NEXMIF: variants seen among roughly 807,000 people sequenced by gnomAD.
NEXMIF encodes XLMR protein related to neurite extension.
NEXMIF carries 8 observed loss-of-function variants against 62.1 expected under a neutral mutation model. The ratio of observed to expected loss-of-function variants is 0.13; its 90% confidence interval spans 0.08 to 0.23. NEXMIF has a LOEUF of 0.23. Ranked by LOEUF, NEXMIF falls within the 10% of genes least tolerant of loss-of-function variation. The pLI, the probability that NEXMIF is intolerant of heterozygous loss-of-function variation, is 1.00. For missense variants in NEXMIF, 976 were observed against 1,113.3 expected, an observed-to-expected ratio of 0.88 and a Z score of 1.75; for synonymous variants, 404 against 416.6, an observed-to-expected ratio of 0.97 and a Z score of 0.37.
intron 1 of NEXMIF, among the ~76,000 whole-genome samples, chrX:74,823,540 A>G (rs969823610): frequency 5.4e-5 from 6 of 111,669 alleles, no homozygotes; most frequent in Non-Finnish European, 1.1e-4. Context: ...AATTGATGAA[A>G]TTCCAAATTT....
chrX:74,882,592 T>A (rs1305017175), intron 1 of NEXMIF, among the ~76,000 whole-genome samples: 1 of 108,740 alleles, frequency 9.2e-6, no homozygotes, highest in African/African-American at 3.4e-5. Context: ...GGCAGTGAGG[T>A]TGGGGGAGGG....
chrX:74,877,721 C>T (rs1003306111), intron 1 of NEXMIF, among the ~76,000 whole-genome samples: 3 of 111,581 alleles, frequency 2.7e-5, no homozygotes, highest in Non-Finnish European at 5.6e-5. Context: ...AACTTCCCTT[C>T]TCGCTTCATT....
At chrX:74,834,803 CT>C (rs2080450858) in intron 1 of NEXMIF, among the ~76,000 whole-genome samples, 1 of 111,257 alleles carries the variant, frequency 9.0e-6, no homozygotes, top group African/African-American at 3.3e-5. Flanking sequence ...GTTAAAGCTG[CT>C]TAGTGTTCTA....
At chrX:74,912,143 CA>C (rs1389807374) in intron 1 of NEXMIF, among the ~76,000 whole-genome samples, 1 of 111,454 alleles carries the variant, frequency 9.0e-6, no homozygotes, top group Non-Finnish European at 1.9e-5. Context: ...GGGACTTGGA[CA>C]AAAAGTGCCA....
intron 1 of NEXMIF, among the ~76,000 whole-genome samples, chrX:74,919,532 T>C (rs1364174987): frequency 9.0e-6 from 1 of 111,600 alleles, no homozygotes; most frequent in Non-Finnish European, 1.9e-5. Context: ...GCAACAGGCA[T>C]AAACCACAAC....
At chrX:74,804,808 G>A (rs774125271) in intron 1 of NEXMIF, among the ~76,000 whole-genome samples, 7 of 111,932 alleles carry the variant, frequency 6.3e-5, no homozygotes, top group Admixed American at 2.8e-4. Context: ...TTCTGCACAA[G>A]GATTCGCCTA....
intron 1 of NEXMIF, among the ~76,000 whole-genome samples, chrX:74,855,804 T>C (rs1277046737): frequency 8.9e-6 from 1 of 112,051 alleles, no homozygotes; most frequent in Non-Finnish European, 1.9e-5. Context: ...AAGAAATCTC[T>C]GTTCATTCAT....
At chrX:74,875,741 A>G (rs1159050265) in intron 1 of NEXMIF, among the ~76,000 whole-genome samples, 1 of 111,665 alleles carries the variant, frequency 9.0e-6, no homozygotes, top group Non-Finnish European at 1.9e-5. Flanking sequence ...ATGTGTCCAG[A>G]AATTTATCTA....
chrX:74,811,523 C>G (rs1569347850), intron 1 of NEXMIF, among the ~76,000 whole-genome samples: 1 of 112,489 alleles, frequency 8.9e-6, no homozygotes, highest in Non-Finnish European at 1.9e-5. Flanking sequence ...CAGACAAACC[C>G]AAATCCTTTA....
intron 1 of NEXMIF, among the ~76,000 whole-genome samples, chrX:74,815,885 C>T (rs945749746): frequency 1.8e-5 from 2 of 110,549 alleles, no homozygotes; most frequent in African/African-American, 6.6e-5. Flanking sequence ...CCACCCGCCT[C>T]GGCATCCCAA....
At chrX:74,758,407 AT>A (rs2080165588) in intron 1 of NEXMIF, among the ~76,000 whole-genome samples, 1 of 111,288 alleles carries the variant, frequency 9.0e-6, no homozygotes, top group Admixed American at 9.6e-5. Flanking sequence ...CTCAAAACTG[AT>A]TTAAAAAAAA....
intron 1 of NEXMIF, among the ~76,000 whole-genome samples, chrX:74,864,318 C>G (rs1484343402): frequency 8.9e-6 from 1 of 111,904 alleles, no homozygotes; most frequent in Non-Finnish European, 1.9e-5. Flanking sequence ...GATTCTATAT[C>G]TAGAAAACCC....
chrX:74,770,316 T>C (rs762411356), intron 1 of NEXMIF, among the ~76,000 whole-genome samples: 45 of 112,302 alleles, frequency 4.0e-4, no homozygotes, highest in Admixed American at 8.6e-4. Context: ...GTATATCTGA[T>C]TGGCTTTATG....
Position 74,741,591 on chromosome X carries a change from C to T in NEXMIF, c.2966G>A (p.Arg989Gln), listed in dbSNP as rs140836456. 2.0e-5 allele frequency: 24 copies of T among 1,209,744 alleles called. 1 individual carries two copies. The East Asian group carries it at 5.6e-4, about 28-fold the overall frequency. ...GGCCATTGAATCAAAGCTAAAGAGC[C>T]GACCATCATCCATATTGACTGGCCC... ...QQGPVNMDDG[R>Q]LFSFDSMAPL... The change falls in exon 3 of 4, where the codon CGG (arginine) becomes CAG (glutamine). Residue 989 changes from arginine (R) to glutamine (Q), a missense_variant. Physicochemically the swap from Arg to Gln is conservative, Grantham distance 43. Coordinates refer to ENST00000055682, the MANE Select transcript of NEXMIF (RefSeq NM_001008537.3).
intron 1 of NEXMIF, among the ~76,000 whole-genome samples, chrX:74,894,353 G>C (rs935213571): frequency 9.0e-6 from 1 of 111,003 alleles, no homozygotes; most frequent in Admixed American, 9.6e-5. Flanking sequence ...AATCAGAACT[G>C]AAAAAGACGG....
chrX:74,810,717 G>T (rs969989071), intron 1 of NEXMIF, among the ~76,000 whole-genome samples: 1 of 110,095 alleles, frequency 9.1e-6, no homozygotes, highest in Non-Finnish European at 1.9e-5. Flanking sequence ...TCCATTTCCT[G>T]TACGGGCCTC....
chrX:74,753,300 C>T (rs2080149593), intron 1 of NEXMIF, among the ~76,000 whole-genome samples: 2 of 112,005 alleles, frequency 1.8e-5, no homozygotes, highest in Non-Finnish European at 3.8e-5. Context: ...TCATCCCAAA[C>T]TCCCCATTTT....
intron 1 of NEXMIF, among the ~76,000 whole-genome samples, chrX:74,915,525 A>G (rs2080803650): frequency 1.8e-5 from 2 of 112,145 alleles, no homozygotes; most frequent in Admixed American, 9.5e-5. Context: ...GAACCTGTGA[A>G]TATGTTAGGT....
chrX:74,765,758 G>A (rs1203059369), intron 1 of NEXMIF, among the ~76,000 whole-genome samples: 1 of 108,567 alleles, frequency 9.2e-6, no homozygotes, highest in Non-Finnish European at 1.9e-5. Context: ...GGGTGTGGTG[G>A]CTCATGCCTG....
Sources: allele counts gnomAD v4.1 joint callset (sites outside exome capture counted in the v4.1 genomes callset), GRCh38; gene constraint gnomAD v4.1.1; transcripts MANE v1.5; gene names NCBI Gene and HGNC (gene_info 2026-07-23, HGNC 2026-07-21).